The following FAM184A variants were observed in gnomAD, a reference collection of about 807,000 sequenced individuals.
FAM184A encodes protein FAM184A.
FAM184A carries 99 observed loss-of-function variants against 143.8 expected under a neutral mutation model. That is an observed-to-expected ratio of 0.69 (90% CI 0.58 to 0.81). The LOEUF is 0.81. Among genes scored for constraint, FAM184A ranks in the 40% least tolerant of loss-of-function variants. The pLI, the probability that FAM184A is intolerant of heterozygous loss-of-function variation, is 0.00. For missense variants in FAM184A, 1,217 were observed against 1,310.5 expected (o/e 0.93, Z 1.10); for synonymous variants, 427 against 446.4 (o/e 0.96, Z 0.55).
At chr6:119,113,467 A>G (rs1788982456) in intron 1 of FAM184A, among the ~76,000 whole-genome samples, 1 of 150,504 alleles carries the variant, frequency 6.6e-6, no homozygotes, top group Non-Finnish European at 1.5e-5. Context: ...TTTTTTTTCA[A>G]CCTCACCACC....
chr6:118,966,168 C>G (rs1404272566), intron 15 of FAM184A, among the ~76,000 whole-genome samples: 3 of 152,182 alleles, frequency 2.0e-5, no homozygotes, highest in Admixed American at 6.5e-5. Context: ...CTCTTATGCT[C>G]TTTTTGCATG....
intron 9 of FAM184A, among the ~76,000 whole-genome samples, chr6:119,002,389 A>G (rs2114638789): frequency 6.6e-6 from 1 of 152,324 alleles, no homozygotes; most frequent in South Asian, 2.1e-4. Context: ...CAAGCATAAC[A>G]TAAGAACACA....
rs564928332 is a variant in FAM184A, at chr6:119,059,835, T to C, written c.159+18306A>G. On this transcript the variant is annotated intron_variant, in intron 1 of 17. Coordinates refer to ENST00000338891, the MANE Select transcript of FAM184A (RefSeq NM_024581.6). ...ATGAAAATGGCTATATTGAGTTTTA[T>C]ATATCTACGCTCACAAGTATTATTT... Among the ~76,000 whole-genome samples the C allele has an allele frequency of 1.8e-4, 27 of 152,360 alleles. No individual in the cohort carries two copies. In the East Asian group the frequency reaches 3.5e-3, roughly 20 times the overall value.
At chr6:119,074,012 G>A (rs1787783416) in intron 1 of FAM184A, among the ~76,000 whole-genome samples, 2 of 152,220 alleles carry the variant, frequency 1.3e-5, no homozygotes, top group Admixed American at 1.3e-4. Context: ...GAAGGAGTAA[G>A]CAACCAATCA....
At chr6:118,960,948 C>A in intron 17 of FAM184A, 1 of 573,242 alleles carries the variant, frequency 1.7e-6, no homozygotes, top group Admixed American at 4.1e-5. Context: ...GACTAATTTT[C>A]ATTCTTGCTA....
intron 1 of FAM184A, among the ~76,000 whole-genome samples, chr6:119,132,571 T>G (rs570415027): frequency 6.6e-6 from 1 of 152,346 alleles, no homozygotes; most frequent in South Asian, 2.1e-4. Flanking sequence ...CCACTTTTCA[T>G]TCATTTGCAA....
intron 9 of FAM184A, among the ~76,000 whole-genome samples, chr6:118,981,259 C>T (rs1265089605): frequency 6.6e-6 from 1 of 152,062 alleles, no homozygotes; most frequent in South Asian, 2.1e-4. Context: ...ATTTAATTGA[C>T]CTATTTCTAT....
chr6:118,970,382 T>C (rs1456393869), intron 14 of FAM184A, among the ~76,000 whole-genome samples: 5 of 152,096 alleles, frequency 3.3e-5, no homozygotes, highest in East Asian at 1.9e-4. Context: ...GACTTCAGCA[T>C]AAATGCTAGC....
chr6:119,067,533 A>G (rs900648651), intron 1 of FAM184A, among the ~76,000 whole-genome samples: 10 of 152,232 alleles, frequency 6.6e-5, no homozygotes, highest in African/African-American at 2.4e-4. Context: ...ACCTTTGTTC[A>G]GGCATGAGTT....
At chr6:118,982,765 T>C (rs1583781657) in intron 9 of FAM184A, among the ~76,000 whole-genome samples, 1 of 152,192 alleles carries the variant, frequency 6.6e-6, no homozygotes. Flanking sequence ...TTTGACCTAT[T>C]AACAGATGAA....
intron 1 of FAM184A, among the ~76,000 whole-genome samples, chr6:119,093,200 C>T (rs1220808387): frequency 6.6e-6 from 1 of 152,150 alleles, no homozygotes; most frequent in Non-Finnish European, 1.5e-5. Context: ...GGAGGGAGTA[C>T]AGTAGGAAAC....
chr6:118,968,650 C>T (rs1471658271), intron 14 of FAM184A, among the ~76,000 whole-genome samples: 3 of 152,168 alleles, frequency 2.0e-5, no homozygotes, highest in African/African-American at 7.2e-5. Context: ...TCATTAAAAG[C>T]AAAGTACAAG....
At chr6:119,130,950 G>A (rs936219565) in intron 1 of FAM184A, among the ~76,000 whole-genome samples, 9 of 150,648 alleles carry the variant, frequency 6.0e-5, no homozygotes, top group African/African-American at 2.2e-4. Flanking sequence ...TCTGCCTCCC[G>A]GGTTCAAACA....
At chr6:119,056,188 A>T (rs1786966999) in intron 1 of FAM184A, among the ~76,000 whole-genome samples, 1 of 152,240 alleles carries the variant, frequency 6.6e-6, no homozygotes, top group Admixed American at 6.5e-5. Context: ...CTTAAAAGAA[A>T]AAAGAGGAAA....
chr6:119,014,452 T>C (rs1393900732), intron 5 of FAM184A, among the ~76,000 whole-genome samples: 1 of 152,216 alleles, frequency 6.6e-6, no homozygotes, highest in Non-Finnish European at 1.5e-5. Context: ...TGTCATATAT[T>C]ACTATTAGCA....
chr6:119,105,343 G>T (rs757458394), intron 1 of FAM184A, among the ~76,000 whole-genome samples: 3 of 152,046 alleles, frequency 2.0e-5, no homozygotes, highest in Non-Finnish European at 4.4e-5. Context: ...TGAAACATGG[G>T]GGTGGATTTC....
chr6:119,070,984 T>G (rs935281152), intron 1 of FAM184A, among the ~76,000 whole-genome samples: 10 of 152,118 alleles, frequency 6.6e-5, no homozygotes, highest in African/African-American at 2.2e-4. Flanking sequence ...TGGCCCCCAT[T>G]ACCTCCTATT....
intron 1 of FAM184A, among the ~76,000 whole-genome samples, chr6:119,047,761 G>A (rs767118549): frequency 6.6e-6 from 1 of 152,046 alleles, no homozygotes; most frequent in South Asian, 2.1e-4. Context: ...AAAAAGCCCA[G>A]GATCATATGG....
rs1304733428 is a variant in FAM184A, at chr6:119,024,162, G to C, written c.811C>G (p.Leu271Val). 1.2e-6 allele frequency: 2 copies of C among 1,614,012 alleles called. No individual in the cohort carries two copies. The highest frequency in any genetic ancestry group is 2.7e-5 in the African/African-American group (2 of 74,912). Residue 271 changes from leucine to valine, a missense_variant, in exon 2 of 18, where the codon CTT (leucine) becomes GTT (valine). By Grantham distance (32) the Leu-to-Val change is conservative. Coordinates refer to ENST00000338891, the MANE Select transcript of FAM184A (RefSeq NM_024581.6). ...GCCTGTAGGCTTTCTGCTGTAAAAAGCTGTGACCTTTTCAAAGTATCAAGC... is the reference window on the plus strand; with the variant it reads ...GCCTGTAGGCTTTCTGCTGTAAAAACCTGTGACCTTTTCAAAGTATCAAGC... ...RELDTLKRSQ[L>V]FTAESLQASK...
Sources: gnomAD v4.1 joint callset for allele counts (sites outside exome capture counted in the v4.1 genomes callset) on GRCh38, gnomAD v4.1.1 for gene constraint, MANE v1.5 for transcripts, NCBI Gene and HGNC (gene_info 2026-07-23, HGNC 2026-07-21) for gene names.